MLH3: variants seen among roughly 807,000 people sequenced by gnomAD.
The protein encoded by MLH3 is DNA mismatch repair protein Mlh3.
Under a neutral mutation model 122.2 loss-of-function variants are expected in MLH3, and 82 were observed. The ratio of observed to expected loss-of-function variants is 0.67; its 90% CI spans 0.56 to 0.81. The LOEUF is 0.81. Ranked by LOEUF, MLH3 falls within the 30% of genes least tolerant of loss-of-function variation. The pLI is 0.00. For synonymous variants in MLH3, 524 were observed against 599.5 expected (o/e 0.87, Z 1.84); for missense variants, 1,539 against 1,714.5 (o/e 0.90, Z 1.81).
At position 75,013,986 on chromosome 14, in the gene MLH3, G is replaced by A. The variant is rs1290928646; in HGVS notation, c.*3096C>T. ...CTTTTGCCAAGGGTTTGGATGGAAT[G>A]GGTGGCTCTTCAGGTGGAAAACAGG... On this transcript the variant is annotated 3_prime_UTR_variant, in exon 13 of 13. Coordinates refer to ENST00000355774, the MANE Select transcript of MLH3 (RefSeq NM_001040108.2). 1 of 182,624 alleles carries A rather than the reference G, an allele frequency of 5.5e-6. No homozygotes were observed. Among genetic ancestry groups the A allele is most frequent in the Non-Finnish European group, 1.2e-5 (1 of 85,886 alleles). 11.3% of individuals were successfully genotyped at this position (182,624 alleles called of 1,614,324 possible). A position where few individuals can be genotyped will look rare whatever the true frequency, so the allele number is the denominator to read the frequency against.
intron 7 of MLH3, 94 bp downstream of exon 7, chr14:75,033,325 C>T: frequency 4.1e-6 from 4 of 966,692 alleles, no homozygotes; most frequent in Non-Finnish European, 6.6e-6. Flanking sequence ...ACAAAGTGTG[C>T]TTTCTCACAA....
chr14:75,028,343 T>C (rs1212662843), intron 9 of MLH3, among the ~76,000 whole-genome samples: 1 of 152,140 alleles, frequency 6.6e-6, no homozygotes, highest in African/African-American at 2.4e-5. Context: ...TATTTTATGA[T>C]TTGACCTTGA....
rs367923420 is a variant in MLH3 at position 75,049,082 on chromosome 14, C to A, written c.574G>T (p.Asp192Tyr). The A allele has an allele frequency of 1.2e-5, 19 of 1,613,930 alleles. No homozygotes were observed. In the African/African-American group the frequency reaches 2.4e-4, roughly 20 times the overall value. ...TGAAGAACCATGGAACCAGAAACATCATTTCTCAAAGAGAAAGAAATGGAA... is the reference window on the plus strand; with the variant it reads ...TGAAGAACCATGGAACCAGAAACATAATTTCTCAAAGAGAAAGAAATGGAA... Reference protein sequence around the residue: ...HPSISFSLRNDVSGSMVLQLP... With the variant: ...HPSISFSLRNYVSGSMVLQLP... The change falls in exon 2 of 13, where the codon GAT becomes TAT. Residue 192 changes from aspartate to tyrosine, a missense_variant. By Grantham distance (160) the Asp-to-Tyr change is radical (BLOSUM62 -3). Transcript: ENST00000355774.
Position 75,036,567 on chromosome 14 carries a change from C to T in MLH3, c.3643+1773G>A. The T allele has an allele frequency of 6.8e-6, 3 of 438,236 alleles. No homozygotes were observed. The Admixed American group carries it at 7.4e-5, about 11-fold the overall frequency. 27.1% of individuals were successfully genotyped at this position (438,236 alleles called of 1,614,324 possible). ...AGCATGTTGGCCAGGCTGGTCTCAA[C>T]TCCTGACCTCAGGTGATCCACCCAC... On this transcript the variant is annotated intron_variant, in intron 6 of 12. Transcript: ENST00000355774.
chr14:75,025,646 C>A (rs143512613), intron 9 of MLH3, among the ~76,000 whole-genome samples: 27 of 152,226 alleles, frequency 1.8e-4, no homozygotes, highest in African/African-American at 6.5e-4. Context: ...TCCTCAAGGC[C>A]CTTCTCCAGC....
chr14:75,039,420 T>A (rs139947766), intron 5 of MLH3, among the ~76,000 whole-genome samples: 49 of 152,140 alleles, frequency 3.2e-4, no homozygotes, highest in African/African-American at 1.1e-3. Flanking sequence ...CAAGGCAAAA[T>A]AGAAAAGCAG....
intron 6 of MLH3, chr14:75,036,601 C>A (rs892202611): frequency 2.2e-6 from 1 of 454,366 alleles, no homozygotes; most frequent in Admixed American, 2.4e-5. Context: ...ACCTCGGCCT[C>A]CCAAAGTGCT....
chr14:75,023,989 A>G (rs1378792695), intron 9 of MLH3, among the ~76,000 whole-genome samples: 1 of 152,170 alleles, frequency 6.6e-6, no homozygotes, highest in Non-Finnish European at 1.5e-5. Flanking sequence ...CTAAACAGAA[A>G]GATGGTCTCA....
At chr14:75,030,835 C>G in intron 8 of MLH3, 133 bp from the exon 9 acceptor site, 1 of 737,494 alleles carries the variant, frequency 1.4e-6, no homozygotes, top group Non-Finnish European at 2.3e-6. Flanking sequence ...GTTTTTCTCA[C>G]ACTTATGTGT....
Position 75,016,666 on chromosome 14 carries a change from C to A in MLH3, c.*416G>T, listed in dbSNP as rs1337859927. Reference sequence around the variant, plus strand: ...AAACCCTGGGGGCAGCCTGGGAAGGCAGACTACCCCTTGGACTTGAGCATC... The same window carrying A: ...AAACCCTGGGGGCAGCCTGGGAAGGAAGACTACCCCTTGGACTTGAGCATC... On this transcript the variant is annotated 3_prime_UTR_variant, in exon 13 of 13. Transcript: ENST00000355774. 1 of 298,888 alleles carries A rather than the reference C, an allele frequency of 3.3e-6. No homozygotes were observed. Among genetic ancestry groups the A allele is most frequent in the East Asian group, 6.4e-5 (1 of 15,702 alleles). The allele number at this position is 298,888 out of a possible 1,614,324, so 18.5% of individuals were successfully genotyped here.
intron 6 of MLH3, chr14:75,036,758 C>G (rs1205359371): frequency 2.2e-6 from 1 of 456,068 alleles, no homozygotes; most frequent in Admixed American, 2.4e-5. Flanking sequence ...GAGGCCAGAA[C>G]ACCAGAAGTC....
chr14:75,031,674 C>G (rs1595053001), intron 8 of MLH3, among the ~76,000 whole-genome samples: 1 of 152,114 alleles, frequency 6.6e-6, no homozygotes, highest in South Asian at 2.1e-4. Flanking sequence ...ATTAGTCCAG[C>G]ATGGTGGTGC....
At chr14:75,019,410 C>CAA (rs11306878) in intron 11 of MLH3, among the ~76,000 whole-genome samples, 32 of 68,572 alleles carry the variant, frequency 4.7e-4, no homozygotes, top group African/African-American at 1.2e-3. Flanking sequence ...ACTCCGTTCT[C>CAA]AAAAAAAAAA....
chr14:75,022,934 C>T (rs1192104797), intron 10 of MLH3, 42 bp from the exon 11 acceptor site: 4 of 1,613,602 alleles, frequency 2.5e-6, no homozygotes, highest in South Asian at 1.1e-5. Flanking sequence ...GAAAACGGAA[C>T]AACGAAGCCT....
chr14:75,039,845 C>CAATATATATATATATATA (rs1566594267), intron 5 of MLH3, 66 bp downstream of exon 5: 1 of 316,432 alleles, frequency 3.2e-6, no homozygotes, highest in Non-Finnish European at 4.7e-6. Context: ...AAGAGTTAGG[C>CAATATATATATATATATA]CATATATATA....
At chr14:75,050,841 A>C (rs976615130) in intron 1 of MLH3, 1 of 152,244 alleles carries the variant, frequency 6.6e-6, no homozygotes, top group Admixed American at 6.5e-5. Flanking sequence ...ACAAAACAAA[A>C]AAAACCAAAC....
chr14:75,018,726 T>A, intron 12 of MLH3, 103 bp downstream of exon 12: 2 of 1,372,914 alleles, frequency 1.5e-6, no homozygotes, highest in Non-Finnish European at 2.1e-6. Flanking sequence ...AAAACTCTCC[T>A]ATTTTGGAAA....
At chr14:75,029,075 G>C (rs375067541) in intron 9 of MLH3, among the ~76,000 whole-genome samples, 1 of 145,060 alleles carries the variant, frequency 6.9e-6, no homozygotes, top group Non-Finnish European at 1.5e-5. Context: ...GCTTTAACCC[G>C]GGAGGTGGAG....
At position 75,047,699 on chromosome 14, in the gene MLH3, G is replaced by T. The variant is rs757527943; in HGVS notation, c.1957C>A (p.Pro653Thr). ...GNRTRHSVETPDIKDLASTLS... is the reference protein window; with the variant it reads ...GNRTRHSVETTDIKDLASTLS... Reference sequence around the variant, plus strand: ...GTGCTGGCTAAATCTTTGATGTCTGGAGTTTCAACTGAATGACGTGTTCTA... The same window carrying T: ...GTGCTGGCTAAATCTTTGATGTCTGTAGTTTCAACTGAATGACGTGTTCTA... Residue 653 changes from proline (P) to threonine (T), a missense_variant, in exon 2 of 13, where the codon CCA becomes ACA. Pro to Thr is a conservative substitution (Grantham distance 38). Transcript: ENST00000355774. 6 of 1,614,072 alleles carry T rather than the reference G, an allele frequency of 3.7e-6. No individual in the cohort carries two copies. The highest frequency in any genetic ancestry group is 5.1e-6 in the Non-Finnish European group (6 of 1,180,012).
Sources: allele counts gnomAD v4.1 joint callset (sites outside exome capture counted in the v4.1 genomes callset), GRCh38; gene constraint gnomAD v4.1.1; transcripts MANE v1.5; gene names NCBI Gene and HGNC (gene_info 2026-07-23, HGNC 2026-07-21).